Variants in SDK1 observed in about 807,000 individuals in gnomAD.
SDK1 encodes sidekick cell adhesion molecule 1, also known as protein sidekick-1.
SDK1 carries 157 observed loss-of-function variants against 245.5 expected under a neutral mutation model. The observed-to-expected ratio is 0.64, with a 90% CI of 0.56 to 0.73. SDK1 has a LOEUF of 0.73. Among genes scored for constraint, SDK1 ranks in the 30% least tolerant of loss-of-function variants. The pLI is 0.00. For missense variants in SDK1, 3,583 were observed against 3,002.3 expected (o/e 1.19, Z -4.52); for synonymous variants, 1,647 against 1,278.5 (o/e 1.29, Z -6.15).
At chr7:3,452,788 A>T (rs537851773) in intron 1 of SDK1, among the ~76,000 whole-genome samples, 1 of 152,274 alleles carries the variant, frequency 6.6e-6, no homozygotes, top group African/African-American at 2.4e-5. Context: ...GACTGTTTCC[A>T]GAAGTCTTGC....
chr7:3,710,083 C>T (rs1029522030), intron 4 of SDK1, among the ~76,000 whole-genome samples: 2 of 152,188 alleles, frequency 1.3e-5, no homozygotes, highest in African/African-American at 2.4e-5. Flanking sequence ...CCTAATTAAA[C>T]CTCACATGTT....
Position 4,143,576 on chromosome 7 carries a change from C to T in SDK1, c.4229-2146C>T, listed in dbSNP as rs148325273. Among the ~76,000 whole-genome samples the T allele has an allele frequency of 3.6e-3, 541 of 152,324 alleles. 7 individuals carry two copies. Among genetic ancestry groups the T allele is most frequent in the African/African-American group, 0.012 (502 of 41,568 alleles). On this transcript the variant is annotated intron_variant, in intron 28 of 44. Coordinates refer to ENST00000404826, the MANE Select transcript of SDK1 (RefSeq NM_152744.4). ...GTGAATGATTGGCAGAGCGGGATTC[C>T]AGCCCAGAGGTGCACCCCCAAAGGT...
intron 33 of SDK1, 26 bp from the exon 34 acceptor site, chr7:4,175,749 C>T: frequency 6.2e-7 from 1 of 1,608,588 alleles, no homozygotes; most frequent in African/African-American, 1.3e-5. Context: ...GTGCTAACCA[C>T]CTTTCTGCTT....
At chr7:3,502,200 T>C (rs1782238343) in intron 1 of SDK1, among the ~76,000 whole-genome samples, 1 of 151,654 alleles carries the variant, frequency 6.6e-6, no homozygotes, top group Admixed American at 6.6e-5. Context: ...AAAATTTTTC[T>C]TTTTTTTCAA....
At chr7:3,404,693 T>C (rs1191457533) in intron 1 of SDK1, among the ~76,000 whole-genome samples, 1 of 152,216 alleles carries the variant, frequency 6.6e-6, no homozygotes, top group Non-Finnish European at 1.5e-5. Context: ...CTTCAGAGCT[T>C]GAACAACTGC....
intron 1 of SDK1, among the ~76,000 whole-genome samples, chr7:3,371,569 C>T (rs912533018): frequency 2.0e-5 from 3 of 152,080 alleles, no homozygotes; most frequent in Non-Finnish European, 4.4e-5. Flanking sequence ...TAAAAGAATG[C>T]GAGGAAACCA....
intron 1 of SDK1, among the ~76,000 whole-genome samples, chr7:3,548,716 A>G (rs1044115475): frequency 7.2e-5 from 11 of 152,176 alleles, no homozygotes; most frequent in African/African-American, 1.9e-4. Flanking sequence ...ATATCCCACT[A>G]TTTTTCTCTT....
intron 4 of SDK1, among the ~76,000 whole-genome samples, chr7:3,766,129 G>A (rs990566248): frequency 3.9e-5 from 6 of 152,148 alleles, no homozygotes; most frequent in Non-Finnish European, 7.4e-5. Context: ...GAAACTTCAT[G>A]TTTGAGGATT....
chr7:3,592,455 T>C (rs1307520751), intron 1 of SDK1, among the ~76,000 whole-genome samples: 1 of 152,252 alleles, frequency 6.6e-6, no homozygotes, highest in East Asian at 1.9e-4. Flanking sequence ...CAGATAATTA[T>C]CACTCTGCTC....
chr7:3,463,471 C>G (rs145274738), intron 1 of SDK1, among the ~76,000 whole-genome samples: 24 of 152,154 alleles, frequency 1.6e-4, no homozygotes, highest in African/African-American at 5.3e-4. Flanking sequence ...TGCTAAAAGC[C>G]TTGCTTCCTC....
At chr7:3,440,220 G>T (rs1021631396) in intron 1 of SDK1, among the ~76,000 whole-genome samples, 1 of 152,170 alleles carries the variant, frequency 6.6e-6, no homozygotes, top group Non-Finnish European at 1.5e-5. Context: ...GAGAACAAAG[G>T]AAGGATGGAG....
At chr7:3,661,169 TCA>T (rs1193020106) in intron 4 of SDK1, among the ~76,000 whole-genome samples, 1 of 152,248 alleles carries the variant, frequency 6.6e-6, no homozygotes, top group East Asian at 1.9e-4. Context: ...AAATCCTGTA[TCA>T]CACCAAGTAC....
At position 3,974,754 on chromosome 7, in the gene SDK1, G is replaced by T. The variant is rs762925934; in HGVS notation, c.1994+209G>T. ...TCGGAATTGAGAAGTTTCGTTTTTG[G>T]TGTAGATGGTGTGATCATTGGTTTT... is the stretch of plus-strand genomic sequence containing the variant. On this transcript the variant is annotated intron_variant, in intron 13 of 44. Transcript: ENST00000404826. The T allele has an allele frequency of 7.6e-6, 4 of 523,486 alleles. No individual in the cohort carries two copies. The African/African-American group carries it at 7.6e-5, about 10-fold the overall frequency. 32.4% of individuals were successfully genotyped at this position (523,486 alleles called of 1,614,324 possible).
intron 37 of SDK1, among the ~76,000 whole-genome samples, chr7:4,209,130 G>T (rs1014359628): frequency 2.0e-5 from 3 of 152,206 alleles, no homozygotes; most frequent in Admixed American, 6.5e-5. Context: ...CAACCAGGTT[G>T]CAAGGACCAC....
intron 23 of SDK1, 96 bp from the exon 24 acceptor site, chr7:4,113,193 G>T: frequency 7.6e-7 from 1 of 1,315,644 alleles, no homozygotes. Flanking sequence ...ACCTATCTGA[G>T]CCCTCCCTTG....
At chr7:3,422,019 C>T (rs1779548621) in intron 1 of SDK1, among the ~76,000 whole-genome samples, 1 of 152,084 alleles carries the variant, frequency 6.6e-6, no homozygotes, top group South Asian at 2.1e-4. Context: ...AATTAAATAG[C>T]AGACCGGATG....
intron 1 of SDK1, among the ~76,000 whole-genome samples, chr7:3,518,965 A>T (rs765230760): frequency 2.5e-5 from 2 of 79,052 alleles, no homozygotes; most frequent in Non-Finnish European, 5.3e-5. Flanking sequence ...ATTCAGCCAT[A>T]AAAAAAAAAA....
chr7:3,633,636 G>A (rs1372683187), intron 2 of SDK1, among the ~76,000 whole-genome samples: 1 of 151,824 alleles, frequency 6.6e-6, no homozygotes, highest in African/African-American at 2.4e-5. Flanking sequence ...ATGATTCTAC[G>A]ATATATTATT....
At chr7:3,981,915 C>T (rs190696582) in intron 13 of SDK1, among the ~76,000 whole-genome samples, 53 of 152,286 alleles carry the variant, frequency 3.5e-4, no homozygotes, top group African/African-American at 1.2e-3. Flanking sequence ...GGAACAGTGA[C>T]GAGGGTGGCT....
Sources: allele counts gnomAD v4.1 joint callset (sites outside exome capture counted in the v4.1 genomes callset), GRCh38; gene constraint gnomAD v4.1.1; transcripts MANE v1.5; gene names NCBI Gene and HGNC (gene_info 2026-07-23, HGNC 2026-07-21).